Variants in GABRB1 observed in about 807,000 individuals in gnomAD.
GABRB1 encodes gamma-aminobutyric acid receptor subunit beta-1.
Under a neutral mutation model 51.6 loss-of-function variants are expected in GABRB1, and 17 were observed. That is an observed-to-expected ratio of 0.33 (90% CI 0.23 to 0.49). GABRB1 has a LOEUF of 0.49. GABRB1 is among the 20% of genes least tolerant of loss of function. GABRB1 has a pLI of 0.99. For synonymous variants in GABRB1, 247 were observed against 218.9 expected (o/e 1.13, Z -1.14); for missense variants, 410 against 600.6 (o/e 0.68, Z 3.32).
intron 4 of GABRB1, 109 bp from the exon 5 acceptor site, chr4:47,320,018 T>C: frequency 1.3e-6 from 1 of 758,286 alleles, no homozygotes; most frequent in Non-Finnish European, 2.4e-6. Flanking sequence ...CACAAAATTT[T>C]GATGCCTTGT....
intron 3 of GABRB1, among the ~76,000 whole-genome samples, chr4:47,103,680 G>A (rs150068785): frequency 2.4e-4 from 37 of 151,942 alleles, no homozygotes; most frequent in African/African-American, 8.2e-4. Context: ...TGAATTATAC[G>A]AAGTTAGAAC....
intron 4 of GABRB1, among the ~76,000 whole-genome samples, chr4:47,220,987 G>T (rs114741223): frequency 1.3e-5 from 2 of 151,874 alleles, no homozygotes; most frequent in African/African-American, 2.4e-5. Context: ...AATGCCAGAC[G>T]TTACCACCTT....
chr4:47,308,941 G>A lies in GABRB1; in HGVS notation c.462-11186G>A, dbSNP rs904227624. On this transcript the variant is annotated intron_variant, in intron 4 of 8. Transcript: ENST00000295454. Reference sequence around the variant, plus strand: ...ACTATTGCTATCGTTTCAAGTCCTGGCAATTTGTCCACTACAGAAATTCCT... The same window carrying A: ...ACTATTGCTATCGTTTCAAGTCCTGACAATTTGTCCACTACAGAAATTCCT... Among the ~76,000 whole-genome samples the A allele has an allele frequency of 9.2e-5, 14 of 152,044 alleles. No individual in the cohort carries two copies. In the South Asian group the frequency reaches 2.1e-3, roughly 23 times the overall value.
chr4:47,201,684 A>G (rs1400094358), intron 4 of GABRB1, among the ~76,000 whole-genome samples: 5 of 152,158 alleles, frequency 3.3e-5, no homozygotes, highest in Non-Finnish European at 7.3e-5. Flanking sequence ...TGTATTATTC[A>G]TTACCAATAT....
chr4:47,159,459 G>A (rs1015848380), intron 3 of GABRB1, among the ~76,000 whole-genome samples: 4 of 151,440 alleles, frequency 2.6e-5, no homozygotes, highest in African/African-American at 9.7e-5. Flanking sequence ...ACTTGTAGAG[G>A]ATGCAAATGA....
intron 3 of GABRB1, among the ~76,000 whole-genome samples, chr4:47,045,263 G>C (rs1726032043): frequency 6.6e-6 from 1 of 152,028 alleles, no homozygotes. Flanking sequence ...CAGGATTTAT[G>C]ATTACAGTAT....
intron 3 of GABRB1, among the ~76,000 whole-genome samples, chr4:47,051,568 G>C (rs1171237049): frequency 6.6e-6 from 1 of 152,106 alleles, no homozygotes; most frequent in Non-Finnish European, 1.5e-5. Context: ...TTTATTTGTA[G>C]TGCTTTGTTG....
intron 1 of GABRB1, among the ~76,000 whole-genome samples, chr4:47,023,953 A>T (rs1725009332): frequency 1.3e-5 from 2 of 151,676 alleles, no homozygotes; most frequent in South Asian, 4.2e-4. Context: ...GATTTTTTGG[A>T]TCGTTTTCAA....
intron 4 of GABRB1, among the ~76,000 whole-genome samples, chr4:47,210,917 G>A (rs983372233): frequency 5.9e-5 from 9 of 152,112 alleles, no homozygotes; most frequent in Admixed American, 5.2e-4. Context: ...TCTGGGAGGA[G>A]GTGACAAGTA....
intron 5 of GABRB1, among the ~76,000 whole-genome samples, chr4:47,331,405 C>T (rs1343509443): frequency 6.6e-6 from 1 of 152,118 alleles, no homozygotes; most frequent in East Asian, 1.9e-4. Flanking sequence ...TTGCAATCAA[C>T]TTGACTATAA....
rs373532703 is a variant in GABRB1 at position 47,325,071 on chromosome 4, C to T, written c.544+4862C>T. On this transcript the variant is annotated intron_variant, in intron 5 of 8. Coordinates refer to ENST00000295454, the MANE Select transcript of GABRB1 (RefSeq NM_000812.4). Reference sequence around the variant, plus strand: ...TTCTTGCTTTCACTTTTGACTCCCTCTAACCCAATTTCTGCCCAGCAGCCA... The same window carrying T: ...TTCTTGCTTTCACTTTTGACTCCCTTTAACCCAATTTCTGCCCAGCAGCCA... Among the ~76,000 whole-genome samples, 160 of 152,340 alleles carry T rather than the reference C, an allele frequency of 1.1e-3. 4 individuals carry two copies. The South Asian group carries it at 0.031, about 30-fold the overall frequency.
chr4:47,408,799 A>G (rs1728660759), intron 8 of GABRB1, among the ~76,000 whole-genome samples: 1 of 152,156 alleles, frequency 6.6e-6, no homozygotes, highest in African/African-American at 2.4e-5. Flanking sequence ...GCCTTCAAAC[A>G]TACTAATTCA....
intron 5 of GABRB1, among the ~76,000 whole-genome samples, chr4:47,349,408 A>ACCCATGG (rs1344557088): frequency 3.1e-4 from 47 of 152,242 alleles, no homozygotes; most frequent in Non-Finnish European, 5.1e-4. Context: ...AAAGGACAGT[A>ACCCATGG]GTACCTCCCT....
intron 3 of GABRB1, among the ~76,000 whole-genome samples, chr4:47,050,364 A>G (rs1056472303): frequency 1.3e-5 from 2 of 152,176 alleles, no homozygotes; most frequent in Non-Finnish European, 2.9e-5. Flanking sequence ...AATCCATTTA[A>G]TTCTAATTTT....
intron 4 of GABRB1, among the ~76,000 whole-genome samples, chr4:47,169,706 T>C (rs902449471): frequency 5.9e-5 from 9 of 152,146 alleles, no homozygotes; most frequent in Non-Finnish European, 1.3e-4. Flanking sequence ...TTCATCATGT[T>C]AGCCAGGCTG....
chr4:47,150,129 A>C (rs1717359828), intron 3 of GABRB1, among the ~76,000 whole-genome samples: 1 of 151,946 alleles, frequency 6.6e-6, no homozygotes, highest in African/African-American at 2.4e-5. Context: ...CATCGTACAA[A>C]GAAAAAAAAT....
intron 4 of GABRB1, among the ~76,000 whole-genome samples, chr4:47,169,296 G>A (rs1718341639): frequency 6.6e-6 from 1 of 152,128 alleles, no homozygotes; most frequent in Non-Finnish European, 1.5e-5. Context: ...TACAGTGAAA[G>A]CAGGATAAAT....
At chr4:47,246,277 C>CATATATATATATATATAT (rs1160512931) in intron 4 of GABRB1, among the ~76,000 whole-genome samples, 8 of 72,740 alleles carry the variant, frequency 1.1e-4, no homozygotes, top group African/African-American at 3.7e-4. Flanking sequence ...AGTATTCCAT[C>CATATATATATATATATAT]ATATATATAT....
intron 3 of GABRB1, among the ~76,000 whole-genome samples, chr4:47,140,473 C>T (rs542578221): frequency 2.6e-5 from 4 of 152,010 alleles, no homozygotes; most frequent in African/African-American, 9.6e-5. Context: ...CCCAAAAGAG[C>T]TCCTAAACAC....
Sources: allele counts gnomAD v4.1 joint callset (sites outside exome capture counted in the v4.1 genomes callset), GRCh38; gene constraint gnomAD v4.1.1; transcripts MANE v1.5; gene names NCBI Gene and HGNC (gene_info 2026-07-23, HGNC 2026-07-21).